CORO2B: variants seen among roughly 807,000 people sequenced by gnomAD.
CORO2B encodes the protein coronin 2B.
Under a neutral mutation model 58.8 loss-of-function variants are expected in CORO2B, and 26 were observed. That is an observed-to-expected ratio of 0.44 (90% CI 0.32 to 0.61). The LOEUF is 0.61. Ranked by LOEUF, CORO2B falls within the 20% of genes least tolerant of loss-of-function variation. The pLI, the probability that CORO2B is intolerant of heterozygous loss-of-function variation, is 0.04. For synonymous variants in CORO2B, 242 were observed against 253.8 expected (o/e 0.95, Z 0.44); for missense variants, 460 against 645.1 (o/e 0.71, Z 3.11).
chr15:68,523,675 G>A, the CORO2B span, among the ~76,000 whole-genome samples: 1 of 152,302 alleles, frequency 6.6e-6, no homozygotes, highest in Non-Finnish European at 1.5e-5. Context: ...GGCTCCTCAA[G>A]TCAGCTGCCT....
chr15:68,604,146 C>T (rs949114647), intron 1 of CORO2B, among the ~76,000 whole-genome samples: 1 of 152,176 alleles, frequency 6.6e-6, no homozygotes, highest in African/African-American at 2.4e-5. Flanking sequence ...CAGGCATGAG[C>T]CGCCCCTCGT....
chr15:68,709,034 T>A (rs1892849773), intron 3 of CORO2B, among the ~76,000 whole-genome samples: 1 of 152,248 alleles, frequency 6.6e-6, no homozygotes, highest in South Asian at 2.1e-4. Context: ...GGAATTATAA[T>A]CAATTGACTA....
intron 2 of CORO2B, among the ~76,000 whole-genome samples, chr15:68,683,849 G>A (rs939328268): frequency 1.3e-5 from 2 of 152,226 alleles, no homozygotes; most frequent in Admixed American, 1.3e-4. Context: ...TGAGGAAGGA[G>A]CATTGGAGGT....
chr15:68,689,919 T>G (rs932657642), intron 2 of CORO2B, among the ~76,000 whole-genome samples: 5 of 152,266 alleles, frequency 3.3e-5, no homozygotes, highest in Admixed American at 6.5e-5. Flanking sequence ...GAGAGCCTAC[T>G]GGTAAAATTT....
chr15:68,673,835 T>TTA (rs1491583659), intron 2 of CORO2B, among the ~76,000 whole-genome samples: 63 of 92,698 alleles, frequency 6.8e-4, no homozygotes, highest in African/African-American at 2.2e-3. Flanking sequence ...AGACTCCGTC[T>TTA]AAAAAAAAAA....
At chr15:68,724,134 G>A (rs917109146) in intron 11 of CORO2B, among the ~76,000 whole-genome samples, 2 of 152,170 alleles carry the variant, frequency 1.3e-5, no homozygotes, top group African/African-American at 2.4e-5. Flanking sequence ...CCCGGGAAGC[G>A]GAGGTTGCAG....
the CORO2B span, among the ~76,000 whole-genome samples, chr15:68,531,761 T>C: frequency 6.6e-6 from 1 of 151,792 alleles, no homozygotes; most frequent in Admixed American, 6.6e-5. Context: ...TCTATTGTTT[T>C]AAGTAAATCC....
At chr15:68,662,310 A>G (rs1233072413) in intron 2 of CORO2B, among the ~76,000 whole-genome samples, 1 of 152,226 alleles carries the variant, frequency 6.6e-6, no homozygotes, top group African/African-American at 2.4e-5. Flanking sequence ...TACCTTTCTT[A>G]TAGTAATCCT....
chr15:68,526,827 G>A, the CORO2B span, among the ~76,000 whole-genome samples: 2 of 152,152 alleles, frequency 1.3e-5, no homozygotes, highest in African/African-American at 4.8e-5. Context: ...CCAACTTAAA[G>A]TTCTGTTTTC....
At chr15:68,703,606 C>A (rs1892712526) in intron 3 of CORO2B, among the ~76,000 whole-genome samples, 1 of 152,164 alleles carries the variant, frequency 6.6e-6, no homozygotes, top group Non-Finnish European at 1.5e-5. Flanking sequence ...AACTTCTATA[C>A]CATATATACA....
intron 2 of CORO2B, among the ~76,000 whole-genome samples, chr15:68,660,144 A>G (rs1456063609): frequency 1.3e-5 from 2 of 152,142 alleles, no homozygotes; most frequent in Admixed American, 6.5e-5. Context: ...TTCTCCTTTG[A>G]CCATGTGCCT....
the CORO2B span, among the ~76,000 whole-genome samples, chr15:68,524,431 C>A: frequency 6.6e-6 from 1 of 152,146 alleles, no homozygotes; most frequent in African/African-American, 2.4e-5. Flanking sequence ...ATCATAAATT[C>A]TTTCATGCAC....
chr15:68,697,202 ATGGATGGATTGT>A (rs1892535163), intron 3 of CORO2B, among the ~76,000 whole-genome samples: 1 of 151,664 alleles, frequency 6.6e-6, no homozygotes, highest in Non-Finnish European at 1.5e-5. Flanking sequence ...GGATGGATGG[ATGGATGGATTGT>A]TGGATGGATG....
intron 1 of CORO2B, among the ~76,000 whole-genome samples, chr15:68,621,791 G>A (rs1900527999): frequency 6.8e-6 from 1 of 146,274 alleles, no homozygotes; most frequent in East Asian, 2.0e-4. Context: ...TTTTGAGACA[G>A]GGTCTCCTAG....
chr15:68,593,343 C>A (rs191660585), intron 1 of CORO2B, among the ~76,000 whole-genome samples: 3 of 152,158 alleles, frequency 2.0e-5, no homozygotes, highest in Admixed American at 1.3e-4. Context: ...AAAAAGGGGA[C>A]CTGCAAATGA....
At chr15:68,539,095 A>G in the CORO2B span, among the ~76,000 whole-genome samples, 1 of 152,206 alleles carries the variant, frequency 6.6e-6, no homozygotes, top group South Asian at 2.1e-4. Context: ...GAGGCATAGG[A>G]GACAGTCCAG....
At chr15:68,565,402 T>C in the CORO2B span, among the ~76,000 whole-genome samples, 1 of 151,750 alleles carries the variant, frequency 6.6e-6, no homozygotes, top group Non-Finnish European at 1.5e-5. Context: ...TATATATTCA[T>C]GTGGATGTAT....
chr15:68,541,238 T>A, the CORO2B span, among the ~76,000 whole-genome samples: 151,369 of 151,434 alleles, frequency 1, 75,652 homozygotes, highest in Middle Eastern at 1. Flanking sequence ...CTGTCTCAAA[T>A]AAAAAAAGGA....
chr15:68,708,357 CTTTTT>C (rs921103212), intron 3 of CORO2B, among the ~76,000 whole-genome samples: 1 of 114,966 alleles, frequency 8.7e-6, no homozygotes, highest in South Asian at 2.9e-4. Flanking sequence ...TTTTTTTCTT[CTTTTT>C]TTTTTTTTTT....
Sources: gnomAD v4.1 joint callset for allele counts (sites outside exome capture counted in the v4.1 genomes callset) on GRCh38, gnomAD v4.1.1 for gene constraint, MANE v1.5 for transcripts, NCBI Gene and HGNC (gene_info 2026-07-23, HGNC 2026-07-21) for gene names.